LPA: variants seen among roughly 807,000 people sequenced by gnomAD.
LPA encodes the protein apolipoprotein(a).
Under a neutral mutation model 197.9 loss-of-function variants are expected in LPA, and 199 were observed. That is an observed-to-expected ratio of 1.01 (90% CI 0.90 to 1.13). LPA has a LOEUF of 1.13. LPA is among the 50% of genes most tolerant of loss of function. The probability of loss-of-function intolerance (pLI) is 0.00; values close to 1 mark genes in which losing one functional copy is unlikely to be tolerated. For synonymous variants in LPA, 715 were observed against 639.5 expected (o/e 1.12, Z -1.78); for missense variants, 1,853 against 1,785.8 (o/e 1.04, Z -0.68).
At chr6:160,574,944 T>C (rs966327137) in intron 28 of LPA, among the ~76,000 whole-genome samples, 7 of 152,154 alleles carry the variant, frequency 4.6e-5, no homozygotes, top group Non-Finnish European at 1.0e-4. Flanking sequence ...CCTCTTGGGT[T>C]TTTCTTCTAT....
intron 24 of LPA, among the ~76,000 whole-genome samples, chr6:160,588,419 T>G (rs1008949242): frequency 6.6e-6 from 1 of 152,154 alleles, no homozygotes; most frequent in Admixed American, 6.5e-5. Context: ...CTCTACTGAA[T>G]GCCCAAAATG....
intron 37 of LPA, among the ~76,000 whole-genome samples, chr6:160,535,352 AGTAGCG>A: frequency 8.1e-6 from 1 of 123,254 alleles, no homozygotes; most frequent in African/African-American, 3.1e-5. Context: ...TGATGTTGGT[AGTAGCG>A]GTGGTAATGA....
intron 23 of LPA, 134 bp from the exon 24 acceptor site, chr6:160,589,846 T>A: frequency 1.0e-6 from 1 of 967,760 alleles, no homozygotes. Flanking sequence ...AGTAGGCAGA[T>A]GGACATGCCA....
intron 20 of LPA, among the ~76,000 whole-genome samples, chr6:160,598,093 A>G (rs1037215852): frequency 1.2e-4 from 18 of 152,188 alleles, no homozygotes; most frequent in Admixed American, 2.6e-4. Flanking sequence ...AAGATTTTCA[A>G]TGAGGTCTCT....
chr6:160,560,206 TG>T (rs1230593755), intron 28 of LPA, among the ~76,000 whole-genome samples: 9 of 152,252 alleles, frequency 5.9e-5, no homozygotes, highest in Non-Finnish European at 1.3e-4. Flanking sequence ...GCATTTCAGT[TG>T]GTTCCAAGTC....
chr6:160,555,436 C>CATATATATATATAT (rs770158265), intron 30 of LPA, among the ~76,000 whole-genome samples: 16,211 of 120,668 alleles, frequency 0.13, 1,207 homozygotes, highest in Non-Finnish European at 0.18. Flanking sequence ...TTCCCTAGAA[C>CATATATATATATAT]ATATATATAT....
chr6:160,537,757 G>T, intron 37 of LPA, 98 bp downstream of exon 37: 1 of 1,124,276 alleles, frequency 8.9e-7, no homozygotes, highest in Non-Finnish European at 1.3e-6. Flanking sequence ...CCACATTCAT[G>T]GGTAGGAATT....
chr6:160,549,695 C>A (rs577858839), intron 30 of LPA, among the ~76,000 whole-genome samples: 2 of 152,298 alleles, frequency 1.3e-5, no homozygotes, highest in African/African-American at 2.4e-5. Context: ...TAAAAGCTGA[C>A]CTGGAAGACT....
At chr6:160,586,405 T>C (rs1778910423) in intron 25 of LPA, 44 bp downstream of exon 25, 2 of 1,608,006 alleles carry the variant, frequency 1.2e-6, no homozygotes, top group Non-Finnish European at 1.7e-6. Context: ...AATCTTTTTA[T>C]CCCAATGTCC....
intron 37 of LPA, among the ~76,000 whole-genome samples, chr6:160,537,173 G>A (rs1296250467): frequency 6.6e-6 from 1 of 152,142 alleles, no homozygotes; most frequent in Non-Finnish European, 1.5e-5. Context: ...TATTGTCAGG[G>A]CATACCGCAA....
chr6:160,556,418 T>TA (rs569859069), intron 29 of LPA, among the ~76,000 whole-genome samples: 78 of 152,232 alleles, frequency 5.1e-4, no homozygotes, highest in African/African-American at 1.7e-3. Flanking sequence ...TCAGTGCTCT[T>TA]ACAATTGGAA....
In LPA at chr6:160,553,963, G is replaced by GCGCGCA. The variant is rs1554231719; in HGVS notation, c.4973+2061_4973+2062insTGCGCG. 2.4e-3 allele frequency among the ~76,000 whole-genome samples: 357 copies of GCGCGCA among 150,112 alleles called. 1 individual carries two copies. Among genetic ancestry groups the GCGCGCA allele is most frequent in the Middle Eastern group, 0.01 (3 of 292 alleles). ...TGTGTGTGTGTGTGTGTGCGCGCGC[G>GCGCGCA]CGCGTGTGCGTGTGTGTGTGTCTTA... is the stretch of plus-strand genomic sequence containing the variant. On this transcript the variant is annotated intron_variant, in intron 30 of 38. Transcript: ENST00000316300.
chr6:160,532,496 G>C (rs1226775063), intron 38 of LPA, 35 bp downstream of exon 38: 2 of 1,491,636 alleles, frequency 1.3e-6, no homozygotes, highest in Admixed American at 3.3e-5. Context: ...TGAGACGGGA[G>C]AGCACAAGAC....
At chr6:160,590,144 T>C (rs1778998117) in intron 23 of LPA, among the ~76,000 whole-genome samples, 1 of 152,146 alleles carries the variant, frequency 6.6e-6, no homozygotes, top group African/African-American at 2.4e-5. Context: ...AGCCAAAGCC[T>C]TAAGTTTCTG....
At chr6:160,600,112 A>T (rs1356644635) in intron 19 of LPA, among the ~76,000 whole-genome samples, 3 of 152,204 alleles carry the variant, frequency 2.0e-5, no homozygotes, top group Non-Finnish European at 4.4e-5. Flanking sequence ...GATTGCTCAA[A>T]AAAGAAAGCA....
intron 28 of LPA, among the ~76,000 whole-genome samples, chr6:160,566,927 T>G (rs915318651): frequency 3.9e-5 from 6 of 152,038 alleles, no homozygotes; most frequent in Non-Finnish European, 8.8e-5. Context: ...AGGGACCAAT[T>G]TAACAAGAAG....
At position 160,569,131 on chromosome 6, in the gene LPA, A is replaced by T. The variant is rs185180182; in HGVS notation, c.4631+8005T>A. ...TTTCTTCACAGAATTGGAAAAAACTACTTTAAAGTTCATATGGAACAAAAA... is the reference window on the plus strand; with the variant it reads ...TTTCTTCACAGAATTGGAAAAAACTTCTTTAAAGTTCATATGGAACAAAAA... On this transcript the variant is annotated intron_variant, in intron 28 of 38. Transcript: ENST00000316300. Among the ~76,000 whole-genome samples the T allele has an allele frequency of 2.1e-3, 317 of 152,306 alleles. 1 individual carries two copies. Among genetic ancestry groups the T allele is most frequent in the African/African-American group, 6.6e-3 (275 of 41,564 alleles).
At chr6:160,557,593 A>T (rs1230388097) in intron 28 of LPA, 22 bp from the exon 29 acceptor site, 1 of 1,612,578 alleles carries the variant, frequency 6.2e-7, no homozygotes, top group African/African-American at 1.3e-5. Flanking sequence ...AAAACAACAC[A>T]GGTCACAAGA....
At chr6:160,571,595 G>T (rs1351270958) in intron 28 of LPA, among the ~76,000 whole-genome samples, 5 of 152,170 alleles carry the variant, frequency 3.3e-5, no homozygotes. Flanking sequence ...ATCTAGAGAG[G>T]CACTCTTGCT....
Sources: gnomAD v4.1 joint callset for allele counts (sites outside exome capture counted in the v4.1 genomes callset) on GRCh38, gnomAD v4.1.1 for gene constraint, MANE v1.5 for transcripts, NCBI Gene and HGNC (gene_info 2026-07-23, HGNC 2026-07-21) for gene names.